Variants in JAKMIP2 observed in about 807,000 individuals in gnomAD.
The protein encoded by JAKMIP2 is janus kinase and microtubule-interacting protein 2.
In JAKMIP2, 25 loss-of-function variants were observed where a neutral mutation model predicts 115.0. That is an observed-to-expected ratio of 0.22 (90% CI 0.16 to 0.30). The LOEUF (loss-of-function observed/expected upper bound fraction) is 0.30. JAKMIP2 is among the 10% of genes least tolerant of loss of function. The pLI, the probability that JAKMIP2 is intolerant of heterozygous loss-of-function variation, is 1.00. For synonymous variants in JAKMIP2, 334 were observed against 343.6 expected (o/e 0.97, Z 0.31); for missense variants, 642 against 957.6 (o/e 0.67, Z 4.35).
intron 1 of JAKMIP2, among the ~76,000 whole-genome samples, chr5:147,778,185 C>A (rs1425681924): frequency 1.3e-5 from 2 of 152,098 alleles, no homozygotes; most frequent in African/African-American, 2.4e-5. Context: ...ATTAGCCCAA[C>A]AAAGTTCTGA....
At chr5:147,639,607 A>G (rs1757783618) in intron 10 of JAKMIP2, 25 bp downstream of exon 10, 1 of 1,595,508 alleles carries the variant, frequency 6.3e-7, no homozygotes. Context: ...GCTAATTCAG[A>G]GCACTCTCAC....
chr5:147,660,130 T>C (rs1489068039), intron 3 of JAKMIP2, among the ~76,000 whole-genome samples: 1 of 152,196 alleles, frequency 6.6e-6, no homozygotes, highest in Non-Finnish European at 1.5e-5. Flanking sequence ...CGAATGCAGA[T>C]GAATATAAAA....
chr5:147,775,136 C>A (rs1207915292), intron 1 of JAKMIP2, among the ~76,000 whole-genome samples: 2 of 152,098 alleles, frequency 1.3e-5, no homozygotes, highest in African/African-American at 4.8e-5. Flanking sequence ...GTTAGACACC[C>A]GTAGAAATCA....
chr5:147,611,954 G>A (rs1169878836), intron 20 of JAKMIP2, among the ~76,000 whole-genome samples: 1 of 152,126 alleles, frequency 6.6e-6, no homozygotes, highest in African/African-American at 2.4e-5. Context: ...AATGGGAAAG[G>A]TAAAACAAAG....
intron 1 of JAKMIP2, among the ~76,000 whole-genome samples, chr5:147,741,527 A>C (rs1007938673): frequency 1.1e-4 from 16 of 152,128 alleles, no homozygotes; most frequent in African/African-American, 3.6e-4. Context: ...CTTACTTTTA[A>C]AATTCACCAG....
intron 3 of JAKMIP2, chr5:147,660,529 C>A: frequency 2.3e-6 from 1 of 432,878 alleles, no homozygotes; most frequent in African/African-American, 2.3e-5. Flanking sequence ...TCTTCTCCTA[C>A]CCTCTATAAA....
At chr5:147,612,117 G>A (rs1269755018) in intron 20 of JAKMIP2, 189 bp downstream of exon 20, 2 of 730,838 alleles carry the variant, frequency 2.7e-6, no homozygotes, top group Non-Finnish European at 5.1e-6. Flanking sequence ...TGTGAAGGCT[G>A]GGTTACTGAT....
intron 20 of JAKMIP2, among the ~76,000 whole-genome samples, chr5:147,607,803 C>T (rs1227964439): frequency 6.6e-6 from 1 of 152,118 alleles, no homozygotes; most frequent in Non-Finnish European, 1.5e-5. Context: ...CCGCCTGGTC[C>T]TGGGCTTTTT....
At chr5:147,637,457 T>TTTTTTTTTTTTTTTA (rs1757677772) in intron 10 of JAKMIP2, among the ~76,000 whole-genome samples, 1 of 105,932 alleles carries the variant, frequency 9.4e-6, no homozygotes. Context: ...TTTTTTTTTT[T>TTTTTTTTTTTTTTTA]GAGACAGAGT....
chr5:147,601,393 C>A (rs1755686050), intron 21 of JAKMIP2, among the ~76,000 whole-genome samples: 1 of 152,048 alleles, frequency 6.6e-6, no homozygotes, highest in African/African-American at 2.4e-5. Context: ...AAGTTCAAGA[C>A]TACCCTGGGC....
chr5:147,597,766 T>C (rs921255860), intron 21 of JAKMIP2, among the ~76,000 whole-genome samples: 2 of 152,244 alleles, frequency 1.3e-5, no homozygotes, highest in Non-Finnish European at 2.9e-5. Context: ...ATGGCTTAAA[T>C]GTGTCTCCCA....
At chr5:147,744,442 GCC>G (rs1754276240) in intron 1 of JAKMIP2, among the ~76,000 whole-genome samples, 1 of 152,092 alleles carries the variant, frequency 6.6e-6, no homozygotes, top group African/African-American at 2.4e-5. Context: ...TAAGGCTTAG[GCC>G]ACTTCTATTT....
chr5:147,761,786 G>A (rs931910065), intron 1 of JAKMIP2, among the ~76,000 whole-genome samples: 1 of 151,906 alleles, frequency 6.6e-6, no homozygotes, highest in African/African-American at 2.4e-5. Context: ...ATGACAAATG[G>A]TATAAAAATG....
intron 21 of JAKMIP2, among the ~76,000 whole-genome samples, chr5:147,594,892 G>A (rs534240915): frequency 5.3e-5 from 8 of 152,242 alleles, no homozygotes; most frequent in Non-Finnish European, 1.2e-4. Flanking sequence ...TCCTGGTAGG[G>A]AAGACATAAT....
At chr5:147,628,045 A>C (rs540225337) in intron 16 of JAKMIP2, among the ~76,000 whole-genome samples, 1 of 149,924 alleles carries the variant, frequency 6.7e-6, no homozygotes, top group East Asian at 2.0e-4. Flanking sequence ...GAGTCTCACT[A>C]TGTTGCCTAG....
chr5:147,631,625 A>C (rs1055167907), intron 13 of JAKMIP2, 114 bp from the exon 14 acceptor site: 2 of 571,460 alleles, frequency 3.5e-6, no homozygotes, highest in African/African-American at 3.9e-5. Context: ...TTTGGCAAAA[A>C]GAAAAAAATT....
intron 3 of JAKMIP2, chr5:147,660,336 A>T: frequency 3.1e-6 from 1 of 321,530 alleles, no homozygotes; most frequent in East Asian, 7.5e-5. Context: ...CTACTTAGGG[A>T]TGACATCCAA....
chr5:147,666,694 T>C (rs2126794508), intron 2 of JAKMIP2, among the ~76,000 whole-genome samples: 1 of 152,340 alleles, frequency 6.6e-6, no homozygotes, highest in African/African-American at 2.4e-5. Flanking sequence ...TACACCTCCT[T>C]GTTTGCTCTG....
chr5:147,781,629 C>T (rs1302494745), intron 1 of JAKMIP2, among the ~76,000 whole-genome samples: 6 of 152,170 alleles, frequency 3.9e-5, no homozygotes, highest in African/African-American at 1.4e-4. Context: ...GGCATCTGTT[C>T]CAATCGGTCA....
Sources: gnomAD v4.1 joint callset for allele counts (sites outside exome capture counted in the v4.1 genomes callset) on GRCh38, gnomAD v4.1.1 for gene constraint, MANE v1.5 for transcripts, NCBI Gene and HGNC (gene_info 2026-07-23, HGNC 2026-07-21) for gene names.